Variants in SNX29 observed in about 807,000 individuals in gnomAD.
SNX29 encodes the protein sorting nexin-29.
SNX29 carries 78 observed loss-of-function variants against 102.1 expected under a neutral mutation model. The observed-to-expected ratio is 0.76, with a 90% CI of 0.64 to 0.92. SNX29 has a LOEUF of 0.92. SNX29 is among the 40% of genes least tolerant of loss of function. SNX29 has a pLI of 0.00. For synonymous variants in SNX29, 580 were observed against 414.5 expected (o/e 1.40, Z -4.85); for missense variants, 1,280 against 1,061.7 (o/e 1.21, Z -2.86).
At chr16:12,101,445 G>T (rs58886979) in intron 11 of SNX29, among the ~76,000 whole-genome samples, 2,094 of 151,306 alleles carry the variant, frequency 0.014, 49 homozygotes, top group African/African-American at 0.044. Context: ...GTACAGTGGC[G>T]TGATCTTGGC....
chr16:12,018,379 C>T (rs2056912485), intron 3 of SNX29, among the ~76,000 whole-genome samples: 1 of 151,152 alleles, frequency 6.6e-6, no homozygotes, highest in African/African-American at 2.4e-5. Context: ...AGTTTGAGAC[C>T]ACCCTGGCCA....
chr16:12,394,382 C>T (rs932363393), intron 16 of SNX29, among the ~76,000 whole-genome samples: 1 of 152,240 alleles, frequency 6.6e-6, no homozygotes, highest in African/African-American at 2.4e-5. Context: ...GCCAGACCAC[C>T]TGTGTTTGAA....
chr16:12,526,343 G>A lies in SNX29; in HGVS notation c.2318+1502G>A, dbSNP rs574652449. On this transcript the variant is annotated intron_variant, in intron 20 of 20. Transcript: ENST00000566228. ...TGTGCCCAGCGGTACCATCCAGATC[G>A]ACATGAGCAGCTGCCTGTCTTCCCT... Among the ~76,000 whole-genome samples the A allele has an allele frequency of 1.9e-4, 29 of 152,228 alleles. No individual in the cohort carries two copies. In the South Asian group the frequency reaches 6.0e-3, roughly 32 times the overall value.
At chr16:12,032,856 A>G (rs758758182) in intron 4 of SNX29, among the ~76,000 whole-genome samples, 11 of 151,040 alleles carry the variant, frequency 7.3e-5, no homozygotes, top group Non-Finnish European at 1.2e-4. Context: ...TAGCCTTGCC[A>G]GTGTTGGGTT....
intron 14 of SNX29, among the ~76,000 whole-genome samples, chr16:12,232,069 G>T (rs922658785): frequency 2.0e-5 from 3 of 152,086 alleles, no homozygotes; most frequent in Non-Finnish European, 4.4e-5. Context: ...TGCCCTTCTG[G>T]TTGTGTGCCC....
intron 16 of SNX29, among the ~76,000 whole-genome samples, chr16:12,358,801 C>T (rs1253320301): frequency 1.3e-5 from 2 of 152,172 alleles, no homozygotes; most frequent in South Asian, 2.1e-4. Flanking sequence ...GTGATGTCTC[C>T]ATAAAAGGCC....
At chr16:12,426,444 G>T (rs566982232) in intron 18 of SNX29, among the ~76,000 whole-genome samples, 1 of 152,114 alleles carries the variant, frequency 6.6e-6, no homozygotes, top group Non-Finnish European at 1.5e-5. Flanking sequence ...ATAATGAGCC[G>T]GAAAGTATAA....
At chr16:12,479,239 A>T (rs1207552382) in intron 19 of SNX29, among the ~76,000 whole-genome samples, 3 of 152,200 alleles carry the variant, frequency 2.0e-5, no homozygotes, top group African/African-American at 7.2e-5. Flanking sequence ...TCTTTTGACA[A>T]AGCCATGTGG....
intron 20 of SNX29, among the ~76,000 whole-genome samples, chr16:12,548,768 C>T (rs1055610566): frequency 6.6e-6 from 1 of 152,184 alleles, no homozygotes; most frequent in African/African-American, 2.4e-5. Flanking sequence ...CATCTCTCAT[C>T]CCCCAGCCAC....
chr16:12,565,512 T>A (rs537484890), intron 20 of SNX29, among the ~76,000 whole-genome samples: 1 of 152,302 alleles, frequency 6.6e-6, no homozygotes, highest in South Asian at 2.1e-4. Flanking sequence ...TCCCGAGACA[T>A]GGCTCTGCTC....
At chr16:12,507,332 T>C (rs1309596350) in intron 19 of SNX29, among the ~76,000 whole-genome samples, 1 of 152,240 alleles carries the variant, frequency 6.6e-6, no homozygotes, top group Non-Finnish European at 1.5e-5. Context: ...GCTTGACTCC[T>C]GTCTGGCGTT....
intron 1 of SNX29, among the ~76,000 whole-genome samples, chr16:11,985,509 G>C (rs764123873): frequency 2.0e-5 from 3 of 152,164 alleles, no homozygotes; most frequent in Non-Finnish European, 2.9e-5. Context: ...TTATCTTTCT[G>C]TCTGGCTGTC....
chr16:12,290,807 A>G (rs1235971424), intron 15 of SNX29, among the ~76,000 whole-genome samples: 1 of 151,968 alleles, frequency 6.6e-6, no homozygotes, highest in Non-Finnish European at 1.5e-5. Flanking sequence ...GAGAGTGGGG[A>G]TGAGTTTTCT....
intron 13 of SNX29, among the ~76,000 whole-genome samples, chr16:12,161,974 C>G (rs2055804321): frequency 6.6e-6 from 1 of 152,194 alleles, no homozygotes. Flanking sequence ...CTAATACAGT[C>G]TTTCCACAAT....
intron 14 of SNX29, among the ~76,000 whole-genome samples, chr16:12,201,072 G>T (rs1024890955): frequency 6.6e-6 from 1 of 152,086 alleles, no homozygotes; most frequent in Non-Finnish European, 1.5e-5. Flanking sequence ...ATTTCTTTTG[G>T]TTACTGTTTG....
chr16:12,527,480 C>T (rs745588937), intron 20 of SNX29: 4 of 429,544 alleles, frequency 9.3e-6, no homozygotes, highest in Non-Finnish European at 1.8e-5. Context: ...TCCAAAAAGT[C>T]CATTTGAGTT....
intron 18 of SNX29, among the ~76,000 whole-genome samples, chr16:12,438,055 C>T (rs533780672): frequency 1.3e-5 from 2 of 152,282 alleles, no homozygotes; most frequent in South Asian, 4.1e-4. Context: ...GGGCTGCTGG[C>T]TTACTGAGAG....
chr16:12,162,002 C>G (rs953960379), intron 13 of SNX29, among the ~76,000 whole-genome samples: 1 of 152,198 alleles, frequency 6.6e-6, no homozygotes, highest in Non-Finnish European at 1.5e-5. Context: ...CCCCGAATCC[C>G]TCACCACCCC....
At chr16:12,520,226 C>G (rs1038286351) in intron 19 of SNX29, among the ~76,000 whole-genome samples, 1 of 152,140 alleles carries the variant, frequency 6.6e-6, no homozygotes, top group African/African-American at 2.4e-5. Context: ...CCCCACCTGC[C>G]CCTGCACCCA....
Sources: allele counts gnomAD v4.1 joint callset (sites outside exome capture counted in the v4.1 genomes callset), GRCh38; gene constraint gnomAD v4.1.1; transcripts MANE v1.5; gene names NCBI Gene and HGNC (gene_info 2026-07-23, HGNC 2026-07-21).